WDPCP: variants seen among roughly 807,000 people sequenced by gnomAD.
WDPCP encodes WD repeat-containing and planar cell polarity effector protein fritz homolog.
In WDPCP, 71 loss-of-function variants were observed where a neutral mutation model predicts 93.1. The observed-to-expected ratio is 0.76, with a 90% CI of 0.63 to 0.93. WDPCP has a LOEUF of 0.93. Ranked by LOEUF, WDPCP falls within the 40% of genes least tolerant of loss-of-function variation. The pLI is 0.00. For missense variants in WDPCP, 844 were observed against 887.4 expected (o/e 0.95, Z 0.62); for synonymous variants, 315 against 315.0 (o/e 1.00, Z 0.00).
At chr2:63,687,917 C>T (rs914205208) in intron 2 of WDPCP, among the ~76,000 whole-genome samples, 15 of 152,096 alleles carry the variant, frequency 9.9e-5, no homozygotes, top group Admixed American at 9.8e-4. Context: ...TCACAATAGC[C>T]GAGATTTTGG....
chr2:63,274,489 C>T (rs545024411), intron 13 of WDPCP, among the ~76,000 whole-genome samples: 57 of 151,968 alleles, frequency 3.8e-4, no homozygotes, highest in Non-Finnish European at 6.8e-4. Flanking sequence ...CAGGACAGAA[C>T]TAAACAAGAT....
At chr2:63,775,392 G>T (rs1253555366) in intron 2 of WDPCP, among the ~76,000 whole-genome samples, 1 of 152,168 alleles carries the variant, frequency 6.6e-6, no homozygotes, top group Non-Finnish European at 1.5e-5. Context: ...GAAACTTACT[G>T]TTGCTGTCTA....
chr2:63,245,346 T>C (rs1272406186), intron 14 of WDPCP, among the ~76,000 whole-genome samples: 1 of 152,188 alleles, frequency 6.6e-6, no homozygotes, highest in Non-Finnish European at 1.5e-5. Context: ...ATAGTCTATA[T>C]TAAATAATTG....
chr2:63,682,146 T>C (rs1157972902), intron 2 of WDPCP, among the ~76,000 whole-genome samples: 1 of 152,134 alleles, frequency 6.6e-6, no homozygotes, highest in African/African-American at 2.4e-5. Flanking sequence ...TCCACAAGCA[T>C]CAAGATCATC....
At chr2:63,605,863 T>G in intron 3 of WDPCP, 1 of 1,196,510 alleles carries the variant, frequency 8.4e-7, no homozygotes, top group South Asian at 1.2e-5. Flanking sequence ...AAGGGTCACC[T>G]GGTTTAATTT....
rs35916043 is a variant in WDPCP at position 63,500,454 on chromosome 2, G to GGTGTGTGTGTGTGTGT, written c.76-7530_76-7515dup. Among the ~76,000 whole-genome samples the GGTGTGTGTGTGTGTGT allele has an allele frequency of 3.7e-3, 549 of 149,566 alleles. 2 individuals carry two copies. Among genetic ancestry groups the GGTGTGTGTGTGTGTGT allele is most frequent in the African/African-American group, 0.013 (521 of 40,514 alleles). ...GCCTTGAAAGAGAAAATGGTGTGGG[G>GGTGTGTGTGTGTGTGT]GTGTGTGTGTGTGTGTGTGTGTGTG... On this transcript the variant is annotated intron_variant, in intron 1 of 17. Coordinates refer to ENST00000272321, the MANE Select transcript of WDPCP (RefSeq NM_015910.7).
chr2:63,323,369 G>C (rs776393083), intron 12 of WDPCP, among the ~76,000 whole-genome samples: 12 of 152,152 alleles, frequency 7.9e-5, no homozygotes, highest in Admixed American at 2.0e-4. Context: ...TAGGCACCCA[G>C]GCTCACCAAT....
At chr2:63,589,831 G>A, upstream of WDPCP, 1 of 211,660 alleles carries the variant, frequency 4.7e-6, no homozygotes, top group Non-Finnish European at 9.8e-6. Context: ...GGAATAATCT[G>A]CGTACTGCTT....
chr2:63,790,123 A>G (rs1246691476), intron 2 of WDPCP, among the ~76,000 whole-genome samples: 1 of 152,174 alleles, frequency 6.6e-6, no homozygotes, highest in Non-Finnish European at 1.5e-5. Flanking sequence ...CTGCTTCATA[A>G]TGGAGCTGCT....
chr2:63,768,859 A>G (rs1670183803), intron 2 of WDPCP, among the ~76,000 whole-genome samples: 1 of 152,064 alleles, frequency 6.6e-6, no homozygotes, highest in Non-Finnish European at 1.5e-5. Context: ...TCTTAGCCCA[A>G]GGAGGTACTT....
chr2:63,141,031 G>A (rs1428564760), intron 17 of WDPCP, among the ~76,000 whole-genome samples: 9 of 151,874 alleles, frequency 5.9e-5, no homozygotes, highest in Non-Finnish European at 1.3e-4. Flanking sequence ...AAGGGATGCT[G>A]GATTTTGTCG....
chr2:63,585,481 T>A (rs538583193), intron 1 of WDPCP, among the ~76,000 whole-genome samples: 2 of 152,314 alleles, frequency 1.3e-5, no homozygotes, highest in African/African-American at 4.8e-5. Flanking sequence ...TGGTCTCTGA[T>A]TTATTTCACA....
At chr2:63,763,203 A>G (rs1422926330) in intron 2 of WDPCP, among the ~76,000 whole-genome samples, 2 of 152,168 alleles carry the variant, frequency 1.3e-5, no homozygotes, top group Non-Finnish European at 2.9e-5. Flanking sequence ...CAGAAAGTAC[A>G]AAAAGGTATT....
intron 14 of WDPCP, among the ~76,000 whole-genome samples, chr2:63,203,762 A>C (rs758133213): frequency 1.3e-5 from 2 of 152,066 alleles, no homozygotes; most frequent in Non-Finnish European, 2.9e-5. Context: ...TCATCCTTCT[A>C]CTCTCTCTGA....
intron 15 of WDPCP, among the ~76,000 whole-genome samples, chr2:63,165,460 C>G (rs1266608520): frequency 6.6e-6 from 1 of 151,876 alleles, no homozygotes; most frequent in East Asian, 1.9e-4. Context: ...ATTGGCTTGT[C>G]ATTTTTCTGT....
intron 3 of WDPCP, among the ~76,000 whole-genome samples, chr2:63,614,511 G>T (rs1348538986): frequency 6.6e-6 from 1 of 152,164 alleles, no homozygotes; most frequent in Non-Finnish European, 1.5e-5. Flanking sequence ...TCTTTGGTAT[G>T]CTGAGTACTT....
chr2:63,722,051 AG>A (rs1669424279), intron 2 of WDPCP, among the ~76,000 whole-genome samples: 1 of 152,004 alleles, frequency 6.6e-6, no homozygotes, highest in Admixed American at 6.5e-5. Flanking sequence ...CCCAGGCTGG[AG>A]TGCAGTGGCG....
intron 1 of WDPCP, among the ~76,000 whole-genome samples, chr2:63,524,314 G>C (rs970932353): frequency 6.6e-6 from 1 of 151,994 alleles, no homozygotes; most frequent in Non-Finnish European, 1.5e-5. Flanking sequence ...TAAGCAAAAA[G>C]AACAAAGCCA....
intron 2 of WDPCP, among the ~76,000 whole-genome samples, chr2:63,657,865 A>G (rs373642925): frequency 1.3e-5 from 2 of 152,094 alleles, no homozygotes; most frequent in African/African-American, 4.8e-5. Flanking sequence ...TCTGCTTGGC[A>G]GGGACCTGTC....
Sources: allele counts gnomAD v4.1 joint callset (sites outside exome capture counted in the v4.1 genomes callset), GRCh38; gene constraint gnomAD v4.1.1; transcripts MANE v1.5; gene names NCBI Gene and HGNC (gene_info 2026-07-23, HGNC 2026-07-21).